Variants in CFAP299 observed in about 807,000 individuals in gnomAD.
CFAP299 encodes cilia- and flagella-associated protein 299.
A neutral mutation model predicts 27.0 loss-of-function variants in CFAP299; 21 were observed. The observed-to-expected ratio is 0.78, with a 90% CI of 0.55 to 1.12. The LOEUF is 1.12. Among genes scored for constraint, CFAP299 ranks in the 50% most tolerant of loss-of-function variants. CFAP299 has a pLI of 0.00. For synonymous variants in CFAP299, 104 were observed against 98.1 expected (o/e 1.06, Z -0.36); for missense variants, 310 against 276.6 (o/e 1.12, Z -0.86).
intron 3 of CFAP299, among the ~76,000 whole-genome samples, chr4:80,616,735 A>G (rs559760632): frequency 6.6e-6 from 1 of 152,286 alleles, no homozygotes; most frequent in South Asian, 2.1e-4. Flanking sequence ...GCCAGATAAA[A>G]GATGCAAATA....
intron 2 of CFAP299, among the ~76,000 whole-genome samples, chr4:80,554,439 G>C (rs1482642585): frequency 1.4e-5 from 2 of 144,030 alleles, no homozygotes; most frequent in Non-Finnish European, 3.0e-5. Flanking sequence ...CTCCAGCTTT[G>C]TTCTCTTTAT....
intron 1 of CFAP299, among the ~76,000 whole-genome samples, chr4:80,337,564 AT>A (rs1421834934): frequency 1.3e-5 from 2 of 151,902 alleles, no homozygotes; most frequent in East Asian, 3.9e-4. Flanking sequence ...TACCCAGCTA[AT>A]TTTTGTATTT....
Position 80,362,863 on chromosome 4 carries a change from T to A in CFAP299, c.221T>A (p.Leu74Gln), listed in dbSNP as rs369821065. 22 of 1,610,118 alleles carry A rather than the reference T, an allele frequency of 1.4e-5. No homozygotes were observed. Among genetic ancestry groups the A allele is most frequent in the Admixed American group, 3.4e-5 (2 of 58,478 alleles). Residue 74 changes from leucine (L) to glutamine (Q), a missense_variant, in exon 2 of 6, where the codon CTG becomes CAG. Physicochemically the swap from Leu to Gln is moderately radical, Grantham distance 113. Transcript: ENST00000358105. ...AAAGCGGCTATAGAGATTGCAAGAC[T>A]GGCTGAAAGAGCTCAGCAAAAGTAA... ...ARKAAIEIAR[L>Q]AERAQQKTLT...
rs868646822 is a variant in CFAP299 at position 80,671,860 on chromosome 4, T to C, written c.333+88677T>C. ...ACATTGATTTTGTATCCTGAGACTT[T>C]GCTGAAGTTGCTTATCAGCTTAAGG... On this transcript the variant is annotated intron_variant, in intron 3 of 5. Coordinates refer to ENST00000358105, the MANE Select transcript of CFAP299 (RefSeq NM_152770.3). Among the ~76,000 whole-genome samples, 22 of 152,230 alleles carry C rather than the reference T, an allele frequency of 1.4e-4. 1 individual carries two copies. The highest frequency in any genetic ancestry group is 5.9e-4 in the Admixed American group (9 of 15,286).
intron 1 of CFAP299, among the ~76,000 whole-genome samples, chr4:80,340,063 A>G (rs1722364820): frequency 6.6e-6 from 1 of 152,250 alleles, no homozygotes; most frequent in Non-Finnish European, 1.5e-5. Context: ...AAGCAACTGC[A>G]GTCCATGGCT....
At chr4:80,810,938 T>C (rs1729122547) in intron 3 of CFAP299, among the ~76,000 whole-genome samples, 1 of 152,112 alleles carries the variant, frequency 6.6e-6, no homozygotes, top group Admixed American at 6.6e-5. Context: ...GCCCCACTCA[T>C]GTGGTTCTTA....
chr4:80,536,842 C>T (rs1429523265), intron 2 of CFAP299, among the ~76,000 whole-genome samples: 1 of 151,912 alleles, frequency 6.6e-6, no homozygotes, highest in Non-Finnish European at 1.5e-5. Context: ...ACCCAGGCAG[C>T]AACAGCAAAA....
At chr4:80,691,525 G>A (rs1044749246) in intron 3 of CFAP299, among the ~76,000 whole-genome samples, 1 of 152,206 alleles carries the variant, frequency 6.6e-6, no homozygotes, top group Middle Eastern at 3.4e-3. Context: ...AATAAATTAG[G>A]TATTGATGGG....
At chr4:80,687,127 A>G (rs950697110) in intron 3 of CFAP299, among the ~76,000 whole-genome samples, 2 of 152,158 alleles carry the variant, frequency 1.3e-5, no homozygotes, top group East Asian at 1.9e-4. Flanking sequence ...CTGATCTCCA[A>G]TATGAATCTC....
At chr4:80,444,051 C>T (rs1728494339) in intron 2 of CFAP299, among the ~76,000 whole-genome samples, 1 of 152,176 alleles carries the variant, frequency 6.6e-6, no homozygotes. Flanking sequence ...AATGGGAAAA[C>T]ATTCCATGCT....
chr4:80,395,313 T>G (rs981130499), intron 2 of CFAP299, among the ~76,000 whole-genome samples: 4 of 151,934 alleles, frequency 2.6e-5, no homozygotes, highest in Admixed American at 1.3e-4. Flanking sequence ...TTTGGTAGAG[T>G]TTTTAAGCAA....
chr4:80,663,634 C>T (rs1363842695), intron 3 of CFAP299, among the ~76,000 whole-genome samples: 1 of 152,146 alleles, frequency 6.6e-6, no homozygotes. Context: ...TATTTATAAT[C>T]CTTTGGGCAT....
intron 3 of CFAP299, among the ~76,000 whole-genome samples, chr4:80,829,112 A>G (rs1425948564): frequency 6.6e-6 from 1 of 152,016 alleles, no homozygotes; most frequent in Non-Finnish European, 1.5e-5. Flanking sequence ...TTTGTACATT[A>G]AAGGACACTA....
intron 2 of CFAP299, among the ~76,000 whole-genome samples, chr4:80,498,805 C>T (rs1016246998): frequency 6.6e-6 from 1 of 152,104 alleles, no homozygotes; most frequent in African/African-American, 2.4e-5. Context: ...ATGTGTTCAT[C>T]ACAGCACTGT....
chr4:80,736,755 T>C (rs371051385), intron 3 of CFAP299, among the ~76,000 whole-genome samples: 3 of 152,250 alleles, frequency 2.0e-5, no homozygotes, highest in East Asian at 1.9e-4. Context: ...GTCAGTGTGG[T>C]GATTCCTCAG....
intron 3 of CFAP299, among the ~76,000 whole-genome samples, chr4:80,693,422 T>A (rs1005420855): frequency 4.0e-5 from 6 of 151,488 alleles, no homozygotes; most frequent in Non-Finnish European, 5.9e-5. Flanking sequence ...TTGGAAATCA[T>A]CATTCTCAGT....
the CFAP299 span, among the ~76,000 whole-genome samples, chr4:80,325,116 C>A: frequency 6.6e-6 from 1 of 152,188 alleles, no homozygotes; most frequent in Admixed American, 6.5e-5. Context: ...GAGCGAGACT[C>A]CGTCTCAAAA....
At chr4:80,905,642 G>A (rs1386138438) in intron 4 of CFAP299, among the ~76,000 whole-genome samples, 1 of 152,128 alleles carries the variant, frequency 6.6e-6, no homozygotes, top group Non-Finnish European at 1.5e-5. Flanking sequence ...GAGGCCTCAG[G>A]AAACTTACAA....
At chr4:80,536,310 T>C (rs1194441073) in intron 2 of CFAP299, among the ~76,000 whole-genome samples, 1 of 152,214 alleles carries the variant, frequency 6.6e-6, no homozygotes, top group Non-Finnish European at 1.5e-5. Flanking sequence ...ATAGGAACCC[T>C]TATATGCTCT....
Sources: gnomAD v4.1 joint callset for allele counts (sites outside exome capture counted in the v4.1 genomes callset) on GRCh38, gnomAD v4.1.1 for gene constraint, MANE v1.5 for transcripts, NCBI Gene and HGNC (gene_info 2026-07-23, HGNC 2026-07-21) for gene names.